Variants in CLEC20A observed in about 807,000 individuals in gnomAD.
CLEC20A encodes the protein C-type lectin domain containing 20A.
upstream of CLEC20A, among the ~76,000 whole-genome samples, chr1:178,499,236 C>T (rs988156579): frequency 1.3e-5 from 2 of 152,184 alleles, no homozygotes; most frequent in Admixed American, 6.5e-5. Context: ...ACAAAGCACT[C>T]GCTTCTCACA....
chr1:178,488,214 C>T (rs2457581), intron 5 of CLEC20A, among the ~76,000 whole-genome samples: 3,975 of 152,360 alleles, frequency 0.026, 82 homozygotes, highest in Admixed American at 0.039. Context: ...TACGGCCTCT[C>T]CTGGGTCTCC....
upstream of CLEC20A, chr1:178,497,328 A>C (rs997095338): frequency 4.8e-6 from 1 of 210,276 alleles, no homozygotes; most frequent in Admixed American, 5.9e-5. Flanking sequence ...CGCCAAAGCC[A>C]GCCATAAAAC....
chr1:178,495,043 C>A lies in CLEC20A; in HGVS notation c.41-233G>T, dbSNP rs137881157. ...GCTCCCTCAATCCACGATTCCTATT[C>A]TCCCATTCCCTCATCTCCCCAGTCC... On this transcript the variant is annotated intron_variant, in intron 1 of 7. Coordinates refer to ENST00000623247, the Ensembl canonical transcript of CLEC20A. Among the ~76,000 whole-genome samples, 10 of 152,334 alleles carry A rather than the reference C, an allele frequency of 6.6e-5. No individual in the cohort carries two copies. The East Asian group carries it at 1.9e-3, about 29-fold the overall frequency.
chr1:178,484,726 T>C (rs565188181), intron 5 of CLEC20A: 1 of 152,324 alleles, frequency 6.6e-6, no homozygotes, highest in Admixed American at 6.5e-5. Context: ...TAAGCATCTT[T>C]ATAAACTTTG....
intron 5 of CLEC20A, among the ~76,000 whole-genome samples, chr1:178,487,542 T>A (rs1047458180): frequency 2.0e-5 from 3 of 152,178 alleles, no homozygotes; most frequent in Non-Finnish European, 2.9e-5. Context: ...CCAATAGTTA[T>A]AAAGTCACCT....
upstream of CLEC20A, among the ~76,000 whole-genome samples, chr1:178,498,118 G>T (rs935380304): frequency 6.6e-6 from 1 of 152,106 alleles, no homozygotes; most frequent in African/African-American, 2.4e-5. Flanking sequence ...AAGTGAAACA[G>T]CATGCTCAGG....
exon 3 of CLEC20A, chr1:178,492,518 G>C (rs1649288834): frequency 2.5e-6 from 1 of 398,446 alleles, no homozygotes; most frequent in South Asian, 1.3e-4. Flanking sequence ...TGGAGAGGTG[G>C]TCAGGCTGAG....
rs922681966 is a variant in CLEC20A, at chr1:178,494,359, C to G, written c.397+95G>C. 7 of 397,936 alleles carry G rather than the reference C, an allele frequency of 1.8e-5. No individual in the cohort carries two copies. In the Admixed American group the frequency reaches 3.1e-4, roughly 18 times the overall value. 24.7% of individuals were successfully genotyped at this position (397,936 alleles called of 1,614,324 possible). A position where few individuals can be genotyped will look rare whatever the true frequency, so the allele number is the denominator to read the frequency against. On this transcript the variant is annotated intron_variant, in intron 2 of 7. Coordinates refer to ENST00000623247, the Ensembl canonical transcript of CLEC20A. ...ACCTGAGCCCAGGAGTTGGAGGTTA[C>G]AGTGAGCTATGATCACACCACTGCA...
At position 178,492,693 on chromosome 1, in the gene CLEC20A, G is replaced by A. The variant is rs1402044156; in HGVS notation, c.398-127C>T. ...AGGCTGGTCCATCCCTTTCCACATC[G>A]ATTCAATCCATTCAATAAATACTGG... On this transcript the variant is annotated intron_variant, in intron 2 of 7. Transcript: ENST00000623247. 1.5e-5 allele frequency: 6 copies of A among 397,226 alleles called. No homozygotes were observed. The South Asian group carries it at 4.0e-4, about 27-fold the overall frequency. 24.6% of individuals were successfully genotyped at this position (397,226 alleles called of 1,614,324 possible). A position where few individuals can be genotyped will look rare whatever the true frequency, so the allele number is the denominator to read the frequency against.
At chr1:178,495,635 A>G (rs1649372195) in intron 1 of CLEC20A, among the ~76,000 whole-genome samples, 1 of 152,134 alleles carries the variant, frequency 6.6e-6, no homozygotes, top group Admixed American at 6.5e-5. Flanking sequence ...TGCCAGCCAC[A>G]TCACAAGGGC....
rs1046531844 is a variant in CLEC20A, at chr1:178,482,674, T to C, written c.1037-277A>G. 1.1e-4 allele frequency: 32 copies of C among 287,802 alleles called. No individual in the cohort carries two copies. In the Admixed American group the frequency reaches 1.3e-3, roughly 12 times the overall value. 17.8% of individuals were successfully genotyped at this position (287,802 alleles called of 1,614,324 possible). A position where few individuals can be genotyped will look rare whatever the true frequency, so the allele number is the denominator to read the frequency against. On this transcript the variant is annotated intron_variant, in intron 6 of 7. Transcript: ENST00000623247. ...ATTTTCTTTTTTGTTTCTTCTGTATTTTTCTCCTTACTTTTAATCCAGTAA... is the reference window on the plus strand; with the variant it reads ...ATTTTCTTTTTTGTTTCTTCTGTATCTTTCTCCTTACTTTTAATCCAGTAA...
chr1:178,494,544 C>T (rs1649341602), exon 2 of CLEC20A: 2 of 399,266 alleles, frequency 5.0e-6, no homozygotes, highest in South Asian at 2.5e-4. Context: ...GCACAGAAGC[C>T]CACCCCAAAT....
chr1:178,489,090 C>T (rs1032186957), intron 4 of CLEC20A, among the ~76,000 whole-genome samples: 4 of 152,102 alleles, frequency 2.6e-5, no homozygotes, highest in East Asian at 1.9e-4. Context: ...TGGCTGGGTG[C>T]GGTGGCTCAT....
intron 5 of CLEC20A, chr1:178,484,115 C>T (rs530165793): frequency 2.0e-5 from 3 of 152,176 alleles, no homozygotes; most frequent in South Asian, 2.1e-4. Context: ...TTGTTTCCAC[C>T]TTTTCACTGT....
chr1:178,495,128 C>G (rs1044699322), intron 1 of CLEC20A, among the ~76,000 whole-genome samples: 2 of 152,216 alleles, frequency 1.3e-5, no homozygotes, highest in African/African-American at 2.4e-5. Context: ...AGGTGAGGTG[C>G]CTTTCCTACA....
At chr1:178,487,224 C>G (rs1223327217) in intron 5 of CLEC20A, among the ~76,000 whole-genome samples, 1 of 152,202 alleles carries the variant, frequency 6.6e-6, no homozygotes, top group Non-Finnish European at 1.5e-5. Context: ...GCCTCCTGAA[C>G]CCAATAGCGC....
At chr1:178,497,189 G>A (rs1451910889), upstream of CLEC20A, 1 of 386,146 alleles carries the variant, frequency 2.6e-6, no homozygotes, top group Admixed American at 4.5e-5. Flanking sequence ...ATCCCTGTGT[G>A]GGGGTTCAGA....
chr1:178,483,057 C>T (rs138247086), intron 6 of CLEC20A, 118 bp downstream of exon 6: 1 of 395,950 alleles, frequency 2.5e-6, no homozygotes, highest in Non-Finnish European at 4.4e-6. Context: ...ATCCCTATTC[C>T]CAACATTTCA....
At chr1:178,492,632 C>T (rs183704799) in intron 2 of CLEC20A, 66 bp from the exon 3 acceptor site, 35 of 398,450 alleles carry the variant, frequency 8.8e-5, no homozygotes, top group East Asian at 2.1e-4. Flanking sequence ...AGGAGCTGTC[C>T]GGTTATAGCC....
Sources: gnomAD v4.1 joint callset for allele counts (sites outside exome capture counted in the v4.1 genomes callset) on GRCh38, gnomAD v4.1.1 for gene constraint, MANE v1.5 for transcripts, NCBI Gene and HGNC (gene_info 2026-07-23, HGNC 2026-07-21) for gene names.